The following RND2 variants were observed in gnomAD, a reference collection of about 807,000 sequenced individuals.
RND2 encodes the protein rho-related GTP-binding protein RhoN.
Under a neutral mutation model 25.9 loss-of-function variants are expected in RND2, and 16 were observed. The ratio of observed to expected loss-of-function variants is 0.62; its 90% CI spans 0.42 to 0.94. RND2 has a LOEUF of 0.94. Ranked by LOEUF, RND2 falls within the 40% of genes least tolerant of loss-of-function variation. RND2 has a pLI of 0.00. For missense variants in RND2, 276 were observed against 305.5 expected (o/e 0.90, Z 0.72); for synonymous variants, 97 against 118.1 (o/e 0.82, Z 1.16).
chr17:43,028,701 T>C lies in RND2; in HGVS notation c.*21T>C. 6.5e-7 allele frequency: 1 copy of C among 1,539,366 alleles called. No individual in the cohort carries two copies. The highest frequency in any genetic ancestry group is 1.2e-5 in the South Asian group (1 of 84,544). On this transcript the variant is annotated 3_prime_UTR_variant, in exon 5 of 5. Transcript: ENST00000587250. ...TGTGAGGGGCTAGGAGAGGGCAGAG[T>C]GTGAAGAGGGGTGGTGAGGGACACA...
At position 43,028,797 on chromosome 17, in the gene RND2, G is replaced by C. The variant is rs776822505; in HGVS notation, c.*117G>C. On this transcript the variant is annotated 3_prime_UTR_variant, in exon 5 of 5. Coordinates refer to ENST00000587250, the MANE Select transcript of RND2 (RefSeq NM_005440.5). The stretch of plus-strand genomic sequence containing the variant: ...GCTGGGAAGTTAGGGCAGGCAGAGC[G>C]AGCAATTCTGGGCAGGGGAGCTGGA... 7.0e-7 allele frequency: 1 copy of C among 1,430,862 alleles called. No homozygotes were observed. Among genetic ancestry groups the C allele is most frequent in the Non-Finnish European group, 9.3e-7 (1 of 1,074,642 alleles). The allele number at this position is 1,430,862 out of a possible 1,614,324, so 88.6% of individuals were successfully genotyped here. A position where few individuals can be genotyped will look rare whatever the true frequency, so the allele number is the denominator to read the frequency against.
chr17:43,026,125 CCAGG>C, intron 2 of RND2, 78 bp downstream of exon 2: 1 of 907,882 alleles, frequency 1.1e-6, no homozygotes, highest in Non-Finnish European at 1.8e-6. Flanking sequence ...CCCTTAGGTT[CCAGG>C]TAAGCCCAGC....
intron 2 of RND2, chr17:43,026,330 C>A: frequency 2.4e-6 from 1 of 409,564 alleles, no homozygotes; most frequent in African/African-American, 2.0e-5. Flanking sequence ...GAACATGTTC[C>A]TTCAGAGATA....
In RND2 at chr17:43,027,227, T is replaced by G. The variant is rs2050630101; in HGVS notation, c.235T>G (p.Ser79Ala). The change falls in exon 3 of 5, where the codon TCT (serine) becomes GCT (alanine). Residue 79 changes from serine (S) to alanine (A), a missense_variant. Ser to Ala is a moderately conservative substitution (Grantham distance 99). Coordinates refer to ENST00000587250, the MANE Select transcript of RND2 (RefSeq NM_005440.5). ...TGTCCGGCCTCTGGCCTATCCTGATTCTGATGCTGTGCTCATCTGCTTCGA... is the reference window on the plus strand; with the variant it reads ...TGTCCGGCCTCTGGCCTATCCTGATGCTGATGCTGTGCTCATCTGCTTCGA... ...DNVRPLAYPD[S>A]DAVLICFDIS... 2.5e-6 allele frequency: 4 copies of G among 1,612,976 alleles called. No individual in the cohort carries two copies. Among genetic ancestry groups the G allele is most frequent in the Admixed American group, 3.3e-5 (2 of 59,922 alleles).
In RND2 at chr17:43,026,050, A is replaced by T. The variant is rs2050620797; in HGVS notation, c.190+3A>T. 6.2e-7 allele frequency: 1 copy of T among 1,604,894 alleles called. No homozygotes were observed. The highest frequency in any genetic ancestry group is 8.5e-7 in the Non-Finnish European group (1 of 1,172,680). ...GCTCAACATGTGGGACACTTCAGGT[A>T]GCCAAGTCCCTGGGGGTCACCCTGA... On this transcript the variant is annotated splice_donor_region_variant and intron_variant, in intron 2 of 4. Transcript: ENST00000587250.
At chr17:43,027,154 C>A in intron 2 of RND2, 29 bp from the exon 3 acceptor site, 1 of 1,465,860 alleles carries the variant, frequency 6.8e-7, no homozygotes, top group Non-Finnish European at 9.4e-7. Flanking sequence ...CCCATCCACT[C>A]AGGCCCCTCA....
chr17:43,028,848 A>G lies in RND2; in HGVS notation c.*168A>G. On this transcript the variant is annotated 3_prime_UTR_variant, in exon 5 of 5. Transcript: ENST00000587250. ...GGGCAGAAGGGTATCATCGTTTCTC[A>G]TCTCCTCCTCCCTCCTCTTCTCCAG... 1.1e-6 allele frequency: 1 copy of G among 951,496 alleles called. No individual in the cohort carries two copies. Among genetic ancestry groups the G allele is most frequent in the South Asian group, 1.7e-5 (1 of 57,848 alleles). 58.9% of individuals were successfully genotyped at this position (951,496 alleles called of 1,614,324 possible).
chr17:43,030,053 A>G lies in RND2; in HGVS notation c.*1373A>G, dbSNP rs2151975386. 1 of 152,380 alleles carries G rather than the reference A, an allele frequency of 6.6e-6. No homozygotes were observed. The highest frequency in any genetic ancestry group is 1.5e-5 in the Non-Finnish European group (1 of 68,142). 9.4% of individuals were successfully genotyped at this position (152,380 alleles called of 1,614,324 possible). On this transcript the variant is annotated 3_prime_UTR_variant, in exon 5 of 5. Transcript: ENST00000587250. ...AGGCCAGGGACCTTTCTCTCCTCCC[A>G]TGCTGAGTTTCATGATGGCTTTCAG...
chr17:43,028,371 C>T (rs2050641344), intron 4 of RND2, 61 bp from the exon 5 acceptor site: 59 of 1,596,960 alleles, frequency 3.7e-5, no homozygotes, highest in Middle Eastern at 1.7e-4. Context: ...GCCTCCATGC[C>T]CCTTTCTAAG....
Position 43,028,800 on chromosome 17 carries a change from C to A in RND2, c.*120C>A. 7.1e-7 allele frequency: 1 copy of A among 1,410,692 alleles called. No individual in the cohort carries two copies. The highest frequency in any genetic ancestry group is 9.4e-7 in the Non-Finnish European group (1 of 1,058,918). 87.4% of individuals were successfully genotyped at this position (1,410,692 alleles called of 1,614,324 possible). A position where few individuals can be genotyped will look rare whatever the true frequency, so the allele number is the denominator to read the frequency against. On this transcript the variant is annotated 3_prime_UTR_variant, in exon 5 of 5. Coordinates refer to ENST00000587250, the MANE Select transcript of RND2 (RefSeq NM_005440.5). ...GGGAAGTTAGGGCAGGCAGAGCGAG[C>A]AATTCTGGGCAGGGGAGCTGGAGGG...
rs1284378008 is a variant in RND2 at position 43,028,699 on chromosome 17, A to C, written c.*19A>C. ...CATGTGAGGGGCTAGGAGAGGGCAG[A>C]GTGTGAAGAGGGGTGGTGAGGGACA... is the stretch of plus-strand genomic sequence containing the variant. On this transcript the variant is annotated 3_prime_UTR_variant, in exon 5 of 5. Coordinates refer to ENST00000587250, the MANE Select transcript of RND2 (RefSeq NM_005440.5). 9 of 1,541,042 alleles carry C rather than the reference A, an allele frequency of 5.8e-6. No homozygotes were observed. The Admixed American group carries it at 1.8e-4, about 30-fold the overall frequency.
At position 43,027,977 on chromosome 17, in the gene RND2, G is replaced by A. The variant is rs144494299; in HGVS notation, c.301-84G>A. 16 of 1,481,370 alleles carry A rather than the reference G, an allele frequency of 1.1e-5. No homozygotes were observed. The African/African-American group carries it at 1.1e-4, about 10-fold the overall frequency. The allele number at this position is 1,481,370 out of a possible 1,614,324, so 91.8% of individuals were successfully genotyped here. ...ATGGTTTCTGCGTGCTTGAGGAAGA[G>A]AGGGCACACTGCTGGCATGGCACAA... On this transcript the variant is annotated intron_variant, in intron 3 of 4. Transcript: ENST00000587250.
In RND2 at chr17:43,028,969, G is replaced by A. The variant is rs2050648951; in HGVS notation, c.*289G>A. The A allele has an allele frequency of 1.3e-5, 6 of 447,112 alleles. No homozygotes were observed. The South Asian group carries it at 1.4e-4, about 11-fold the overall frequency. The allele number at this position is 447,112 out of a possible 1,614,324, so 27.7% of individuals were successfully genotyped here. A position where few individuals can be genotyped will look rare whatever the true frequency, so the allele number is the denominator to read the frequency against. On this transcript the variant is annotated 3_prime_UTR_variant, in exon 5 of 5. Coordinates refer to ENST00000587250, the MANE Select transcript of RND2 (RefSeq NM_005440.5). ...AAGCTGGTATCAAATGGTGACCTTG[G>A]TGGAGTCTCCTATGTGAAGAGTACC...
At chr17:43,027,120 G>C in intron 2 of RND2, 63 bp from the exon 3 acceptor site, 2 of 994,608 alleles carry the variant, frequency 2.0e-6, no homozygotes, top group Non-Finnish European at 3.0e-6. Context: ...GGATCTGTAA[G>C]GTCTCCCATT....
chr17:43,030,457 T>A lies in RND2; in HGVS notation c.*1777T>A, dbSNP rs1347194290. The A allele has an allele frequency of 6.6e-6, 1 of 152,656 alleles. No homozygotes were observed. Among genetic ancestry groups the A allele is most frequent in the Admixed American group, 6.5e-5 (1 of 15,278 alleles). The allele number at this position is 152,656 out of a possible 1,614,324, so 9.5% of individuals were successfully genotyped here. A position where few individuals can be genotyped will look rare whatever the true frequency, so the allele number is the denominator to read the frequency against. On this transcript the variant is annotated 3_prime_UTR_variant, in exon 5 of 5. Transcript: ENST00000587250. Reference sequence around the variant, plus strand: ...TGTGGCATACACTGGCTTGGGAGATTGCAAGGACCAGTCTCTAAGCTTTTG... The same window carrying A: ...TGTGGCATACACTGGCTTGGGAGATAGCAAGGACCAGTCTCTAAGCTTTTG...
In RND2 at chr17:43,030,756, T is replaced by G. The variant is rs533614709; in HGVS notation, c.*2076T>G. ...TGGCAGGGAGAATAGAAGACAAGGC[T>G]AGGAAGGTACACTGAGGCTACTGCA... On this transcript the variant is annotated 3_prime_UTR_variant, in exon 5 of 5. Transcript: ENST00000587250. 5.3e-5 allele frequency: 8 copies of G among 152,138 alleles called. No individual in the cohort carries two copies. Among genetic ancestry groups the G allele is most frequent in the African/African-American group, 1.9e-4 (8 of 41,454 alleles). The allele number at this position is 152,138 out of a possible 1,614,324, so 9.4% of individuals were successfully genotyped here.
chr17:43,027,304 G>T lies in RND2; in HGVS notation c.300+12G>T. The T allele has an allele frequency of 6.3e-7, 1 of 1,580,236 alleles. No individual in the cohort carries two copies. On this transcript the variant is annotated intron_variant, in intron 3 of 4. Coordinates refer to ENST00000587250, the MANE Select transcript of RND2 (RefSeq NM_005440.5). ...GTGTTCTCAAGAAGGTGGGAGCCTG[G>T]GGAAATAGGGCAGCTAGACTGAGGG...
intron 3 of RND2, 35 bp downstream of exon 3, chr17:43,027,327 G>A: frequency 2.1e-6 from 3 of 1,442,718 alleles, no homozygotes; most frequent in Non-Finnish European, 1.9e-6. Context: ...GCTAGACTGA[G>A]GGGGACCAGA....
intron 2 of RND2, 141 bp from the exon 3 acceptor site, chr17:43,027,042 G>C (rs1826670876): frequency 4.0e-6 from 2 of 502,412 alleles, no homozygotes; most frequent in Non-Finnish European, 7.1e-6. Flanking sequence ...CAGACTCCAT[G>C]ATGGGTATTA....
Sources: allele counts gnomAD v4.1 joint callset, GRCh38; gene constraint gnomAD v4.1.1; transcripts MANE v1.5; gene names NCBI Gene and HGNC (gene_info 2026-07-23, HGNC 2026-07-21).